MDM4: variants seen among roughly 807,000 people sequenced by gnomAD.
MDM4 encodes the protein MDM4 regulator of p53, also known as protein Mdm4.
In MDM4, 2 loss-of-function variants were observed where a neutral mutation model predicts 60.2. The observed-to-expected ratio is 0.03, with a 90% CI of 0.01 to 0.10. The LOEUF (loss-of-function observed/expected upper bound fraction) is 0.10, where lower values mean the gene tolerates loss of function less well. MDM4 is among the 10% of genes least tolerant of loss of function. The probability of loss-of-function intolerance (pLI) is 1.00; values close to 1 mark genes in which losing one functional copy is unlikely to be tolerated. For synonymous variants in MDM4, 202 were observed against 198.1 expected (o/e 1.02, Z -0.17); for missense variants, 447 against 577.5 (o/e 0.77, Z 2.32).
In MDM4 at chr1:204,532,259, A is replaced by G. The variant is rs947510930; in HGVS notation, c.343+13A>G. The G allele has an allele frequency of 1.0e-5, 16 of 1,533,828 alleles. No individual in the cohort carries two copies. Among genetic ancestry groups the G allele is most frequent in the Middle Eastern group, 1.7e-4 (1 of 5,946 alleles). Reference sequence around the variant, plus strand: ...ACTGCTACTACAGGTATGTCACATCATATTTCTTCAGTCTGTATCACAGCT... The same window carrying G: ...ACTGCTACTACAGGTATGTCACATCGTATTTCTTCAGTCTGTATCACAGCT... On this transcript the variant is annotated intron_variant, in intron 5 of 10. Coordinates refer to ENST00000367182, the MANE Select transcript of MDM4 (RefSeq NM_002393.5).
intron 6 of MDM4, 90 bp downstream of exon 6, chr1:204,537,587 A>G: frequency 1.1e-6 from 1 of 893,562 alleles, no homozygotes; most frequent in Non-Finnish European, 1.8e-6. Flanking sequence ...CCTTTCCCTG[A>G]ATGTGGTAAG....
At chr1:204,518,959 G>T (rs1659275486) in intron 1 of MDM4, among the ~76,000 whole-genome samples, 1 of 152,194 alleles carries the variant, frequency 6.6e-6, no homozygotes, top group African/African-American at 2.4e-5. Flanking sequence ...ACTGCTTCTG[G>T]CCTGGAATCT....
chr1:204,544,694 G>A lies in MDM4; in HGVS notation c.822+10G>A. On this transcript the variant is annotated intron_variant, in intron 9 of 10. Coordinates refer to ENST00000367182, the MANE Select transcript of MDM4 (RefSeq NM_002393.5). Reference sequence around the variant, plus strand: ...AGTAAGTGACAAAAAGGTATGTTGTGGAAAAATTCCATGTTGATTCTGTTT... The same window carrying A: ...AGTAAGTGACAAAAAGGTATGTTGTAGAAAAATTCCATGTTGATTCTGTTT... The A allele has an allele frequency of 6.2e-7, 1 of 1,603,632 alleles. No homozygotes were observed. The highest frequency in any genetic ancestry group is 8.5e-7 in the Non-Finnish European group (1 of 1,172,640).
intron 4 of MDM4, among the ~76,000 whole-genome samples, chr1:204,531,346 C>T (rs1572477988): frequency 6.6e-6 from 1 of 152,102 alleles, no homozygotes; most frequent in African/African-American, 2.4e-5. Flanking sequence ...TGTAGAATTG[C>T]TGGGCAGTTA....
At chr1:204,539,651 C>T (rs1445372712) in intron 7 of MDM4, among the ~76,000 whole-genome samples, 1 of 151,840 alleles carries the variant, frequency 6.6e-6, no homozygotes, top group African/African-American at 2.4e-5. Context: ...ATTCTCCTGC[C>T]TCAGCCTCCT....
chr1:204,554,467 G>T lies in MDM4; in HGVS notation c.*4785G>T. On this transcript the variant is annotated 3_prime_UTR_variant, in exon 11 of 11. Transcript: ENST00000367182. ...AAAAATGGCCATAGATTAGGAACTA[G>T]CTATGTTTTTAGAATCAAAGATGAA... is the stretch of plus-strand genomic sequence containing the variant. 1 of 225,626 alleles carries T rather than the reference G, an allele frequency of 4.4e-6. No individual in the cohort carries two copies. Among genetic ancestry groups the T allele is most frequent in the Non-Finnish European group, 8.8e-6 (1 of 113,276 alleles). 14.0% of individuals were successfully genotyped at this position (225,626 alleles called of 1,614,324 possible).
chr1:204,525,993 G>C (rs1239231076), intron 2 of MDM4, among the ~76,000 whole-genome samples: 1 of 152,114 alleles, frequency 6.6e-6, no homozygotes, highest in Non-Finnish European at 1.5e-5. Flanking sequence ...GGTGGGTCAT[G>C]CCTATAATCC....
In MDM4 at chr1:204,551,147, A is replaced by G. The variant is rs61476176; in HGVS notation, c.*1465A>G. 616 of 191,824 alleles carry G rather than the reference A, an allele frequency of 3.2e-3. 4 individuals are homozygous for G. Among genetic ancestry groups the G allele is most frequent in the African/African-American group, 0.013 (578 of 43,054 alleles). 11.9% of individuals were successfully genotyped at this position (191,824 alleles called of 1,614,324 possible). A position where few individuals can be genotyped will look rare whatever the true frequency, so the allele number is the denominator to read the frequency against. ...AGCCTCGACCTCCCAGATCCAAGCA[A>G]TCCTCCCACCTAAGCCTCCCAAGTA... On this transcript the variant is annotated 3_prime_UTR_variant, in exon 11 of 11. Transcript: ENST00000367182.
rs1358207583 is a variant in MDM4, at chr1:204,555,920, G to C, written c.*6238G>C. On this transcript the variant is annotated 3_prime_UTR_variant, in exon 11 of 11. Coordinates refer to ENST00000367182, the MANE Select transcript of MDM4 (RefSeq NM_002393.5). ...TAGAGCCCCTAATTTCTTATCTGAA[G>C]GCACTGTTTTTTTTTTTAAACAGTT... is the stretch of plus-strand genomic sequence containing the variant. 1 of 152,418 alleles carries C rather than the reference G, an allele frequency of 6.6e-6. No individual in the cohort carries two copies. Among genetic ancestry groups the C allele is most frequent in the Non-Finnish European group, 1.4e-5 (1 of 70,792 alleles). 9.4% of individuals were successfully genotyped at this position (152,418 alleles called of 1,614,324 possible).
chr1:204,536,120 C>T (rs892703327), intron 5 of MDM4, among the ~76,000 whole-genome samples: 12 of 152,066 alleles, frequency 7.9e-5, no homozygotes, highest in South Asian at 2.1e-4. Context: ...ATTAGTCAGG[C>T]GTGCGCCTAT....
chr1:204,540,436 T>C (rs771205767), intron 7 of MDM4, among the ~76,000 whole-genome samples: 2 of 152,156 alleles, frequency 1.3e-5, no homozygotes, highest in Non-Finnish European at 2.9e-5. Context: ...GTCAGGCTAA[T>C]GAGTTCATCC....
At chr1:204,545,782 C>T (rs1301304601) in intron 9 of MDM4, among the ~76,000 whole-genome samples, 1 of 152,148 alleles carries the variant, frequency 6.6e-6, no homozygotes, top group East Asian at 1.9e-4. Flanking sequence ...CCACTTCAGC[C>T]TCCCAAGTAG....
At chr1:204,520,351 AAATTACATGC>A (rs1659448965) in intron 1 of MDM4, among the ~76,000 whole-genome samples, 1 of 147,234 alleles carries the variant, frequency 6.8e-6, no homozygotes, top group South Asian at 2.2e-4. Context: ...AAAATTTCCC[AAATTACATGC>A]AACATCCCTG....
At chr1:204,541,195 G>A (rs577696879) in intron 7 of MDM4, among the ~76,000 whole-genome samples, 1 of 151,928 alleles carries the variant, frequency 6.6e-6, no homozygotes, top group Non-Finnish European at 1.5e-5. Context: ...ATGGTAGCTC[G>A]TGCCTGTAAT....
chr1:204,556,588 G>A lies in MDM4; in HGVS notation c.*6906G>A, dbSNP rs142599905. The A allele has an allele frequency of 1.0e-3, 204 of 200,758 alleles. No homozygotes were observed. The highest frequency in any genetic ancestry group is 1.4e-3 in the Non-Finnish European group (141 of 97,460). The allele number at this position is 200,758 out of a possible 1,614,324, so 12.4% of individuals were successfully genotyped here. A position where few individuals can be genotyped will look rare whatever the true frequency, so the allele number is the denominator to read the frequency against. ...TGGGTGCATGCTTGTCCCAGCTACT[G>A]AGGAGGCTGAGGTGGGAGGATCGCT... On this transcript the variant is annotated 3_prime_UTR_variant, in exon 11 of 11. Transcript: ENST00000367182.
intron 7 of MDM4, among the ~76,000 whole-genome samples, chr1:204,540,698 G>T (rs1661984520): frequency 6.6e-6 from 1 of 152,150 alleles, no homozygotes; most frequent in Non-Finnish European, 1.5e-5. Flanking sequence ...GGGAGGCAGA[G>T]GTTGCAGTGA....
Position 204,542,907 on chromosome 1 carries a change from C to G in MDM4, c.635C>G (p.Pro212Arg). 1 of 1,613,256 alleles carries G rather than the reference C, an allele frequency of 6.2e-7. No homozygotes were observed. The highest frequency in any genetic ancestry group is 8.5e-7 in the Non-Finnish European group (1 of 1,179,678). Residue 212 changes from proline (P) to arginine (R), a missense_variant, in exon 8 of 11, where the codon CCT becomes CGT. Physicochemically the swap from Pro to Arg is moderately radical, Grantham distance 103. Coordinates refer to ENST00000367182, the MANE Select transcript of MDM4 (RefSeq NM_002393.5). ...FLGNLRSNYT[P>R]RSNGSTDLQT... ...GGAAACTTGAGAAGCAACTATACACCTAGAAGTAATGGCTCAACTGATTTA... is the reference window on the plus strand; with the variant it reads ...GGAAACTTGAGAAGCAACTATACACGTAGAAGTAATGGCTCAACTGATTTA...
intron 9 of MDM4, among the ~76,000 whole-genome samples, chr1:204,544,922 A>T (rs1348785501): frequency 6.6e-6 from 1 of 152,164 alleles, no homozygotes; most frequent in African/African-American, 2.4e-5. Context: ...TATAGCAACA[A>T]GCTACCTTTT....
In MDM4 at chr1:204,553,700, A is replaced by G. The variant is rs966907575; in HGVS notation, c.*4018A>G. 5 of 227,616 alleles carry G rather than the reference A, an allele frequency of 2.2e-5. No homozygotes were observed. Among genetic ancestry groups the G allele is most frequent in the Non-Finnish European group, 4.4e-5 (5 of 114,522 alleles). 14.1% of individuals were successfully genotyped at this position (227,616 alleles called of 1,614,324 possible). ...ATGACAAATCATTAGAACAACGATG[A>G]ATTTCAGTATTACGGCTAAAAAGTT... On this transcript the variant is annotated 3_prime_UTR_variant, in exon 11 of 11. Transcript: ENST00000367182.
Sources: gnomAD v4.1 joint callset for allele counts (sites outside exome capture counted in the v4.1 genomes callset) on GRCh38, gnomAD v4.1.1 for gene constraint, MANE v1.5 for transcripts, NCBI Gene and HGNC (gene_info 2026-07-23, HGNC 2026-07-21) for gene names.